Variants in SPDYE3 observed in about 807,000 individuals in gnomAD.
The protein encoded by SPDYE3 is speedy/RINGO cell cycle regulator family member E3.
A neutral mutation model predicts 55.0 loss-of-function variants in SPDYE3; 15 were observed. The observed-to-expected ratio is 0.27, with a 90% CI of 0.18 to 0.42. The LOEUF (loss-of-function observed/expected upper bound fraction) is 0.42, where lower values mean the gene tolerates loss of function less well. Ranked by LOEUF, SPDYE3 falls within the 10% of genes least tolerant of loss-of-function variation. The pLI is 1.00. For missense variants in SPDYE3, 236 were observed against 576.7 expected, an observed-to-expected ratio of 0.41 and a Z score of 6.05; for synonymous variants, 89 against 229.9, an observed-to-expected ratio of 0.39 and a Z score of 5.55.
At chr7:100,316,022 A>G (rs1302607688) in intron 7 of SPDYE3, among the ~76,000 whole-genome samples, 179 bp downstream of exon 7, 2 of 151,616 alleles carry the variant, frequency 1.3e-5, no homozygotes, top group African/African-American at 4.9e-5. Flanking sequence ...CCCAGGCTGG[A>G]GGGCAGTGTC....
rs189884765 is a variant in SPDYE3 at position 100,317,774 on chromosome 7, G to A, written c.1346+619G>A. On this transcript the variant is annotated intron_variant, in intron 8 of 10. Coordinates refer to ENST00000332397, the MANE Select transcript of SPDYE3 (RefSeq NM_001004351.5). ...AGGTCAGGAGAGCAAAACCATCCTGGCTAACATGGTGAAACCCTGTCTCCA... is the reference window on the plus strand; with the variant it reads ...AGGTCAGGAGAGCAAAACCATCCTGACTAACATGGTGAAACCCTGTCTCCA... Among the ~76,000 whole-genome samples the A allele has an allele frequency of 6.3e-3, 947 of 151,078 alleles. 9 individuals carry two copies. Among genetic ancestry groups the A allele is most frequent in the African/African-American group, 0.022 (907 of 41,214 alleles).
In SPDYE3 at chr7:100,320,896, C is replaced by T. The variant is rs902425015; in HGVS notation, c.*51C>T. 27 of 1,230,270 alleles carry T rather than the reference C, an allele frequency of 2.2e-5. No homozygotes were observed. Among genetic ancestry groups the T allele is most frequent in the South Asian group, 1.5e-4 (13 of 85,168 alleles). 76.2% of individuals were successfully genotyped at this position (1,230,270 alleles called of 1,614,324 possible). On this transcript the variant is annotated 3_prime_UTR_variant, in exon 11 of 11. Transcript: ENST00000332397. ...ATTGTCTCTCTCACTTCCAGAACAC[C>T]GGACCCAGGGGAGATGTGGATTTTC...
chr7:100,311,559 G>C (rs1416673348), intron 3 of SPDYE3, among the ~76,000 whole-genome samples, 191 bp from the exon 4 acceptor site: 1 of 139,092 alleles, frequency 7.2e-6, no homozygotes, highest in East Asian at 2.0e-4. Flanking sequence ...TCTGAGGACA[G>C]AGAGAGGGAA....
At chr7:100,309,847 C>A (rs1370282393) in intron 2 of SPDYE3, among the ~76,000 whole-genome samples, 1 of 148,880 alleles carries the variant, frequency 6.7e-6, no homozygotes, top group African/African-American at 2.5e-5. Context: ...GTAATCCCAG[C>A]ACTTTGGGAA....
rs1585002737 is a variant in SPDYE3, at chr7:100,321,590, T to C, written c.*745T>C. On this transcript the variant is annotated 3_prime_UTR_variant, in exon 11 of 11. Coordinates refer to ENST00000332397, the MANE Select transcript of SPDYE3 (RefSeq NM_001004351.5). Reference sequence around the variant, plus strand: ...CTGAAGCGAGCACTCTTTTTATCTATGATACTTCCATAATAATCTCTTCTA... The same window carrying C: ...CTGAAGCGAGCACTCTTTTTATCTACGATACTTCCATAATAATCTCTTCTA... The C allele has an allele frequency of 6.5e-6, 1 of 152,758 alleles. No homozygotes were observed. The highest frequency in any genetic ancestry group is 2.0e-4 in the South Asian group (1 of 4,910). The allele number at this position is 152,758 out of a possible 1,614,324, so 9.5% of individuals were successfully genotyped here. A position where few individuals can be genotyped will look rare whatever the true frequency, so the allele number is the denominator to read the frequency against.
chr7:100,316,348 G>A (rs1160196947), intron 7 of SPDYE3, among the ~76,000 whole-genome samples: 3 of 152,188 alleles, frequency 2.0e-5, no homozygotes, highest in African/African-American at 7.2e-5. Flanking sequence ...CCAGGATGGA[G>A]TACAGTGGCA....
chr7:100,318,841 C>G (rs1019242356), intron 8 of SPDYE3, among the ~76,000 whole-genome samples: 1 of 151,552 alleles, frequency 6.6e-6, no homozygotes, highest in Non-Finnish European at 1.5e-5. Context: ...CCACCTCAGC[C>G]TCTTGATTAG....
At chr7:100,315,037 GA>G (rs1806064639) in intron 6 of SPDYE3, among the ~76,000 whole-genome samples, 1 of 149,282 alleles carries the variant, frequency 6.7e-6, no homozygotes, top group African/African-American at 2.5e-5. Flanking sequence ...AGAATTGCTT[GA>G]ACTCAGGACT....
intron 7 of SPDYE3, 78 bp from the exon 8 acceptor site, chr7:100,316,992 C>T (rs1279546345): frequency 1.3e-6 from 2 of 1,595,108 alleles, no homozygotes; most frequent in East Asian, 2.2e-5. Flanking sequence ...CCTCCCCAGA[C>T]CCCCATTCCA....
Position 100,319,762 on chromosome 7 carries a change from G to A in SPDYE3, c.1544G>A (p.Cys515Tyr). ...CAGAAGCGTCGGTTCCAGTTCTTCT[G>A]TTCCATGCGCTGCAGGGCTTGGGTT... ...LFQKRRFQFF[C>Y]SMRCRAWVSP... Residue 515 changes from cysteine to tyrosine, a missense_variant, in exon 9 of 11, where the codon TGT (cysteine) becomes TAT (tyrosine). Physicochemically the swap from Cys to Tyr is radical, Grantham distance 194 (BLOSUM62 -2). Coordinates refer to ENST00000332397, the MANE Select transcript of SPDYE3 (RefSeq NM_001004351.5). 6.2e-7 allele frequency: 1 copy of A among 1,614,126 alleles called. No homozygotes were observed. The highest frequency in any genetic ancestry group is 8.5e-7 in the Non-Finnish European group (1 of 1,180,042).
intron 4 of SPDYE3, among the ~76,000 whole-genome samples, chr7:100,312,823 C>G (rs1224495556): frequency 7.0e-6 from 1 of 142,180 alleles, no homozygotes. Context: ...TTGCAGTCAG[C>G]TGAGATTGCA....
intron 6 of SPDYE3, among the ~76,000 whole-genome samples, chr7:100,315,064 G>A (rs1408174192): frequency 6.6e-6 from 1 of 150,436 alleles, no homozygotes; most frequent in Non-Finnish European, 1.5e-5. Flanking sequence ...GCTGCAGTGA[G>A]CTATGACTGC....
At chr7:100,320,135 G>A in intron 10 of SPDYE3, 100 bp downstream of exon 10, 1 of 1,547,296 alleles carries the variant, frequency 6.5e-7, no homozygotes, top group Admixed American at 2.0e-5. Context: ...TCGGCAACGT[G>A]GCGAGATATC....
chr7:100,315,009 T>G (rs918316034), intron 6 of SPDYE3, among the ~76,000 whole-genome samples: 2 of 146,188 alleles, frequency 1.4e-5, no homozygotes, highest in Admixed American at 1.4e-4. Flanking sequence ...TCCCAGCACG[T>G]TGGGAGGCTG....
At chr7:100,319,432 G>C in intron 8 of SPDYE3, 133 bp from the exon 9 acceptor site, 1 of 1,473,264 alleles carries the variant, frequency 6.8e-7, no homozygotes. Context: ...CCTGAGGAAG[G>C]CGTGGCTCTC....
chr7:100,311,511 C>G lies in SPDYE3; in HGVS notation c.545-239C>G, dbSNP rs938162709. 1.8e-4 allele frequency among the ~76,000 whole-genome samples: 25 copies of G among 138,536 alleles called. 2 individuals carry two copies. Among genetic ancestry groups the G allele is most frequent in the Non-Finnish European group, 3.1e-4 (20 of 63,676 alleles). 90.9% of individuals were successfully genotyped at this position (138,536 alleles called of 152,430 possible). A position where few individuals can be genotyped will look rare whatever the true frequency, so the allele number is the denominator to read the frequency against. On this transcript the variant is annotated intron_variant, in intron 3 of 10. Transcript: ENST00000332397. ...GAAACAAAAAAAAAAAAGAGGGCCTCAGAGAGCCAGGGACCAGGGAAGGAT... is the reference window on the plus strand; with the variant it reads ...GAAACAAAAAAAAAAAAGAGGGCCTGAGAGAGCCAGGGACCAGGGAAGGAT...
At position 100,314,234 on chromosome 7, in the gene SPDYE3, A is replaced by G. The variant is rs552091297; in HGVS notation, c.983-298A>G. On this transcript the variant is annotated intron_variant, in intron 5 of 10. Coordinates refer to ENST00000332397, the MANE Select transcript of SPDYE3 (RefSeq NM_001004351.5). ...CAGTCAGCTGAGATTGCACCACTACACTCCAGCCTGGGTGACAAAGCAAGA... is the reference window on the plus strand; with the variant it reads ...CAGTCAGCTGAGATTGCACCACTACGCTCCAGCCTGGGTGACAAAGCAAGA... 5.2e-4 allele frequency among the ~76,000 whole-genome samples: 63 copies of G among 121,088 alleles called. No homozygotes were observed. In the East Asian group the frequency reaches 0.013, roughly 25 times the overall value. The allele number at this position is 121,088 out of a possible 152,430, so 79.4% of individuals were successfully genotyped here.
At chr7:100,316,520 T>C (rs1346520476) in intron 7 of SPDYE3, among the ~76,000 whole-genome samples, 1 of 152,226 alleles carries the variant, frequency 6.6e-6, no homozygotes, top group Admixed American at 6.5e-5. Context: ...ACTGTTGGGC[T>C]CATGTGATCC....
chr7:100,315,953 T>G, intron 7 of SPDYE3, 110 bp downstream of exon 7: 3 of 1,537,414 alleles, frequency 2.0e-6, no homozygotes, highest in Non-Finnish European at 1.8e-6. Context: ...CAGATGCTCC[T>G]ACAGTTTTTT....
Sources: allele counts gnomAD v4.1 joint callset (sites outside exome capture counted in the v4.1 genomes callset), GRCh38; gene constraint gnomAD v4.1.1; transcripts MANE v1.5; gene names NCBI Gene and HGNC (gene_info 2026-07-23, HGNC 2026-07-21).